The following NRXN3 variants were observed in gnomAD, a reference collection of about 807,000 sequenced individuals.
NRXN3 encodes neurexin 3.
Under a neutral mutation model 137.6 loss-of-function variants are expected in NRXN3, and 32 were observed. That is an observed-to-expected ratio of 0.23 (90% CI 0.18 to 0.31). The LOEUF (loss-of-function observed/expected upper bound fraction) is 0.31. Ranked by LOEUF, NRXN3 falls within the 10% of genes least tolerant of loss-of-function variation. The probability of loss-of-function intolerance (pLI) is 1.00; values close to 1 mark genes in which losing one functional copy is unlikely to be tolerated. For missense variants in NRXN3, 1,574 were observed against 2,062.5 expected (o/e 0.76, Z 4.59); for synonymous variants, 798 against 784.5 (o/e 1.02, Z -0.29).
chr14:79,565,348 C>A (rs1974757), intron 16 of NRXN3, among the ~76,000 whole-genome samples: 1 of 142,064 alleles, frequency 7.0e-6, no homozygotes, highest in South Asian at 2.2e-4. Flanking sequence ...CATATGTGTG[C>A]GTATATGTAT....
rs149594851 is a variant in NRXN3 at position 79,467,002 on chromosome 14, A to G, written c.3263-219A>G. On this transcript the variant is annotated intron_variant, in intron 15 of 20. Coordinates refer to ENST00000335750, the MANE Select transcript of NRXN3 (RefSeq NM_001330195.2). ...TAAGATGTTAAGAACGACTCTTACCAACATCTGCTTTGTTATGCATTCATT... is the reference window on the plus strand; with the variant it reads ...TAAGATGTTAAGAACGACTCTTACCGACATCTGCTTTGTTATGCATTCATT... Among the ~76,000 whole-genome samples the G allele has an allele frequency of 6.4e-3, 978 of 152,292 alleles. 7 individuals are homozygous for G. Among genetic ancestry groups the G allele is most frequent in the African/African-American group, 0.022 (904 of 41,566 alleles).
intron 15 of NRXN3, among the ~76,000 whole-genome samples, chr14:79,376,263 T>C (rs74360224): frequency 0.11 from 6,459 of 58,574 alleles, 570 homozygotes; most frequent in East Asian, 0.26. Flanking sequence ...TATATATATA[T>C]ATACACATAC....
chr14:78,858,967 G>A (rs917728614), intron 10 of NRXN3, among the ~76,000 whole-genome samples: 8 of 152,034 alleles, frequency 5.3e-5, no homozygotes, highest in Non-Finnish European at 1.5e-5. Context: ...ATATGGTTTG[G>A]CTGTATCCCC....
chr14:78,923,183 C>A (rs568245668), intron 10 of NRXN3, among the ~76,000 whole-genome samples: 3 of 152,278 alleles, frequency 2.0e-5, no homozygotes, highest in Admixed American at 1.3e-4. Flanking sequence ...GTTGAGCACA[C>A]CCTATTGCTT....
chr14:78,900,205 A>AT (rs575746274), intron 10 of NRXN3, among the ~76,000 whole-genome samples: 4,311 of 150,964 alleles, frequency 0.029, 204 homozygotes, highest in African/African-American at 0.099. Context: ...AGTGGGTTCT[A>AT]TTTTTTTTTC....
intron 15 of NRXN3, among the ~76,000 whole-genome samples, chr14:79,178,377 C>T (rs1306185404): frequency 6.6e-6 from 1 of 151,948 alleles, no homozygotes; most frequent in Non-Finnish European, 1.5e-5. Context: ...TTTAAAATAC[C>T]ATTTTATTAG....
intron 20 of NRXN3, among the ~76,000 whole-genome samples, chr14:79,810,085 T>C (rs1248501528): frequency 6.6e-6 from 1 of 152,182 alleles, no homozygotes; most frequent in Non-Finnish European, 1.5e-5. Context: ...TGAAAACAAA[T>C]GTATTCTTGG....
chr14:78,882,830 C>A (rs2099133045), intron 10 of NRXN3, among the ~76,000 whole-genome samples: 1 of 151,410 alleles, frequency 6.6e-6, no homozygotes. Context: ...GGGCCAGGGG[C>A]AGAATAATAT....
chr14:79,105,163 A>G (rs933655687), intron 15 of NRXN3, among the ~76,000 whole-genome samples: 3 of 152,164 alleles, frequency 2.0e-5, no homozygotes, highest in African/African-American at 7.2e-5. Context: ...GATGAAAAGA[A>G]TGACTTGATC....
At chr14:78,711,979 A>G (rs2098411370) in intron 7 of NRXN3, among the ~76,000 whole-genome samples, 1 of 152,230 alleles carries the variant, frequency 6.6e-6, no homozygotes, top group Admixed American at 6.5e-5. Context: ...ATAATCTTGA[A>G]GAATAATATA....
rs756029896 is a variant in NRXN3, at chr14:78,645,259, G to C, written c.897G>C (p.Thr299=). ...AGCGTAACGGCCTCATCCTGCACAC[G>C]GGCAAGTCGGCTGACTATGTCAACC... ...TWQRNGLILH[T]GKSADYVNLA... The change falls in exon 5 of 21, where the codon ACG becomes ACC. Residue 299 remains threonine (T), a synonymous_variant. Transcript: ENST00000335750. The C allele has an allele frequency of 3.1e-6, 5 of 1,598,672 alleles. No individual in the cohort carries two copies. The African/African-American group carries it at 5.3e-5, about 17-fold the overall frequency.
At chr14:78,750,532 G>T (rs1051790334) in intron 8 of NRXN3, among the ~76,000 whole-genome samples, 1 of 152,118 alleles carries the variant, frequency 6.6e-6, no homozygotes, top group Non-Finnish European at 1.5e-5. Context: ...CTACAATAAG[G>T]CAATTGAGGA....
At chr14:79,631,417 C>G (rs1350527814) in intron 16 of NRXN3, among the ~76,000 whole-genome samples, 1 of 152,228 alleles carries the variant, frequency 6.6e-6, no homozygotes, top group Non-Finnish European at 1.5e-5. Flanking sequence ...CTGGGGCTGG[C>G]CAAGGCCTGC....
At chr14:79,160,965 G>A (rs2060715030) in intron 15 of NRXN3, among the ~76,000 whole-genome samples, 1 of 151,934 alleles carries the variant, frequency 6.6e-6, no homozygotes. Context: ...CAACATAGCA[G>A]TGAATCTATG....
intron 16 of NRXN3, among the ~76,000 whole-genome samples, chr14:79,624,800 TTTG>T (rs1389872319): frequency 0.039 from 5,218 of 132,684 alleles, 128 homozygotes; most frequent in Middle Eastern, 0.13. Context: ...CGTTTTTTTT[TTTG>T]TTTGTTTTTG....
intron 14 of NRXN3, among the ~76,000 whole-genome samples, chr14:78,984,828 G>A (rs1404184354): frequency 6.6e-6 from 1 of 152,180 alleles, no homozygotes; most frequent in Non-Finnish European, 1.5e-5. Context: ...GTAGCACTGT[G>A]AGCTAGGGAC....
intron 2 of NRXN3, among the ~76,000 whole-genome samples, chr14:78,249,544 C>G (rs898359791): frequency 1.3e-5 from 2 of 152,100 alleles, no homozygotes; most frequent in African/African-American, 4.8e-5. Flanking sequence ...ACCCCCTTTA[C>G]TTGCAGTCAC....
At chr14:78,627,804 A>C (rs1197431872) in intron 4 of NRXN3, among the ~76,000 whole-genome samples, 4 of 152,192 alleles carry the variant, frequency 2.6e-5, no homozygotes, top group Non-Finnish European at 4.4e-5. Flanking sequence ...TTTCATAGAT[A>C]ATATCTAGAA....
chr14:79,517,820 C>T (rs1225118722), intron 16 of NRXN3, among the ~76,000 whole-genome samples: 1 of 150,696 alleles, frequency 6.6e-6, no homozygotes, highest in Non-Finnish European at 1.5e-5. Context: ...ATTCTGAAAC[C>T]TGTACAATAG....
Sources: allele counts gnomAD v4.1 joint callset (sites outside exome capture counted in the v4.1 genomes callset), GRCh38; gene constraint gnomAD v4.1.1; transcripts MANE v1.5; gene names NCBI Gene and HGNC (gene_info 2026-07-23, HGNC 2026-07-21).